Variants in OLFM3 observed in about 807,000 individuals in gnomAD.
OLFM3 encodes the protein olfactomedin 3, also known as noelin-3.
Under a neutral mutation model 48.6 loss-of-function variants are expected in OLFM3, and 20 were observed. That is an observed-to-expected ratio of 0.41 (90% CI 0.29 to 0.60). The LOEUF is 0.60. Among genes scored for constraint, OLFM3 ranks in the 20% least tolerant of loss-of-function variants. OLFM3 has a pLI of 0.28. For missense variants in OLFM3, 437 were observed against 544.3 expected, an observed-to-expected ratio of 0.80 and a Z score of 1.96; for synonymous variants, 222 against 198.1, an observed-to-expected ratio of 1.12 and a Z score of -1.01.
chr1:101,986,013 T>G (rs1570691698), intron 1 of OLFM3, among the ~76,000 whole-genome samples: 4 of 150,740 alleles, frequency 2.7e-5, no homozygotes, highest in South Asian at 2.1e-4. Context: ...TCCCCCAGGC[T>G]GGAGTGCAGT....
intron 1 of OLFM3, among the ~76,000 whole-genome samples, chr1:101,870,223 T>C (rs1024324460): frequency 6.6e-5 from 10 of 152,086 alleles, no homozygotes; most frequent in African/African-American, 1.7e-4. Flanking sequence ...TATCTCTTTG[T>C]AGCTGAAAAA....
At chr1:101,895,172 C>T (rs1658150680) in intron 1 of OLFM3, among the ~76,000 whole-genome samples, 1 of 151,922 alleles carries the variant, frequency 6.6e-6, no homozygotes, top group Non-Finnish European at 1.5e-5. Context: ...TATTTCTAAC[C>T]ACAATGGGAC....
intron 4 of OLFM3, among the ~76,000 whole-genome samples, chr1:101,808,019 T>A (rs1653861900): frequency 6.6e-6 from 1 of 151,838 alleles, no homozygotes; most frequent in Non-Finnish European, 1.5e-5. Flanking sequence ...GTATTATTTT[T>A]AATAATGTCC....
At chr1:101,848,046 T>G (rs918047841) in intron 1 of OLFM3, among the ~76,000 whole-genome samples, 5 of 152,190 alleles carry the variant, frequency 3.3e-5, no homozygotes, top group African/African-American at 1.2e-4. Context: ...TTAGCAAGTG[T>G]GGTATATAGA....
In OLFM3 at chr1:101,887,700, A is replaced by G. The variant is rs542311086; in HGVS notation, c.70-50675T>C. The stretch of plus-strand genomic sequence containing the variant: ...AATAAAATCATCTTGGTAAATACTT[A>G]TTTTCCAAAATAGTTACAATGTAGT... On this transcript the variant is annotated intron_variant, in intron 1 of 5. Transcript: ENST00000370103. 2.0e-5 allele frequency among the ~76,000 whole-genome samples: 3 copies of G among 152,124 alleles called. No individual in the cohort carries two copies. In the South Asian group the frequency reaches 6.2e-4, roughly 32 times the overall value.
intron 1 of OLFM3, among the ~76,000 whole-genome samples, chr1:101,899,196 C>A (rs951255044): frequency 3.3e-5 from 5 of 152,122 alleles, no homozygotes; most frequent in South Asian, 2.1e-4. Flanking sequence ...CTTTTAAACT[C>A]AATCACATGG....
intron 1 of OLFM3, among the ~76,000 whole-genome samples, chr1:101,886,618 G>C (rs1363184806): frequency 6.6e-6 from 1 of 152,026 alleles, no homozygotes; most frequent in Non-Finnish European, 1.5e-5. Context: ...ACGTGAGTGG[G>C]GACACTAGTT....
At chr1:101,917,461 G>A (rs1430422289) in intron 1 of OLFM3, among the ~76,000 whole-genome samples, 1 of 151,510 alleles carries the variant, frequency 6.6e-6, no homozygotes, top group Non-Finnish European at 1.5e-5. Flanking sequence ...CTGTTGCCCA[G>A]GCGGAAGTGC....
At chr1:101,961,524 T>C (rs1660468029) in intron 1 of OLFM3, among the ~76,000 whole-genome samples, 1 of 152,054 alleles carries the variant, frequency 6.6e-6, no homozygotes, top group Admixed American at 6.6e-5. Context: ...AAGTTAGAGA[T>C]AGAAAACACC....
chr1:101,881,832 T>C (rs528160752), intron 1 of OLFM3, among the ~76,000 whole-genome samples: 14 of 151,770 alleles, frequency 9.2e-5, no homozygotes, highest in African/African-American at 3.4e-4. Context: ...GAATATACTA[T>C]AATATGGATC....
chr1:101,909,315 A>G (rs1029347927), intron 1 of OLFM3, among the ~76,000 whole-genome samples: 2 of 152,270 alleles, frequency 1.3e-5, no homozygotes, highest in Admixed American at 6.5e-5. Flanking sequence ...TTTAGGAGAC[A>G]TTCACATGAG....
At chr1:101,968,642 A>G (rs1557750873) in intron 1 of OLFM3, among the ~76,000 whole-genome samples, 1 of 152,122 alleles carries the variant, frequency 6.6e-6, no homozygotes, top group African/African-American at 2.4e-5. Flanking sequence ...GCAAAAGAAA[A>G]CCAACTTCTA....
chr1:101,817,068 A>G (rs1305330460), intron 4 of OLFM3, among the ~76,000 whole-genome samples: 1 of 152,158 alleles, frequency 6.6e-6, no homozygotes, highest in Non-Finnish European at 1.5e-5. Flanking sequence ...GAGCATAGAT[A>G]CTGTAAAATG....
At chr1:101,925,301 G>A (rs1436549852) in intron 1 of OLFM3, among the ~76,000 whole-genome samples, 1 of 151,712 alleles carries the variant, frequency 6.6e-6, no homozygotes, top group Non-Finnish European at 1.5e-5. Flanking sequence ...GAAATGGAAA[G>A]ACATTGATCT....
chr1:101,937,841 A>T (rs1659670363), intron 1 of OLFM3, among the ~76,000 whole-genome samples: 1 of 152,182 alleles, frequency 6.6e-6, no homozygotes, highest in Non-Finnish European at 1.5e-5. Context: ...GTTCTCCTTA[A>T]TTGCATTATC....
At chr1:101,891,451 A>G (rs966164085) in intron 1 of OLFM3, among the ~76,000 whole-genome samples, 47 of 152,104 alleles carry the variant, frequency 3.1e-4, no homozygotes, top group Non-Finnish European at 4.9e-4. Context: ...CAATAAAAAT[A>G]AAACGTAAGC....
At chr1:101,927,148 T>C (rs1010072889) in intron 1 of OLFM3, among the ~76,000 whole-genome samples, 1 of 152,222 alleles carries the variant, frequency 6.6e-6, no homozygotes, top group Non-Finnish European at 1.5e-5. Flanking sequence ...TAGAAGAGAC[T>C]GAAAATGACT....
intron 4 of OLFM3, among the ~76,000 whole-genome samples, chr1:101,819,364 A>G (rs1310785474): frequency 2.0e-5 from 3 of 152,158 alleles, no homozygotes; most frequent in Non-Finnish European, 4.4e-5. Context: ...TTCCATTTTA[A>G]AGGTAAACCA....
At chr1:101,904,465 C>A (rs1316787574) in intron 1 of OLFM3, among the ~76,000 whole-genome samples, 1 of 152,024 alleles carries the variant, frequency 6.6e-6, no homozygotes, top group Non-Finnish European at 1.5e-5. Context: ...GTCCATAATT[C>A]TACAGAAAGA....
Sources: allele counts gnomAD v4.1 joint callset (sites outside exome capture counted in the v4.1 genomes callset), GRCh38; gene constraint gnomAD v4.1.1; transcripts MANE v1.5; gene names NCBI Gene and HGNC (gene_info 2026-07-23, HGNC 2026-07-21).